The following OTUD7A variants were observed in gnomAD, a reference collection of about 807,000 sequenced individuals.
OTUD7A encodes the protein OTU domain-containing protein 7A.
In OTUD7A, 12 loss-of-function variants were observed where a neutral mutation model predicts 65.7. The ratio of observed to expected loss-of-function variants is 0.18; its 90% CI spans 0.12 to 0.30. OTUD7A has a LOEUF of 0.30. Ranked by LOEUF, OTUD7A falls within the 10% of genes least tolerant of loss-of-function variation. OTUD7A has a pLI of 1.00. For synonymous variants in OTUD7A, 641 were observed against 586.3 expected (o/e 1.09, Z -1.35); for missense variants, 1,148 against 1,304.8 (o/e 0.88, Z 1.85).
chr15:31,570,867 G>A (rs562282257), intron 3 of OTUD7A, among the ~76,000 whole-genome samples: 12 of 152,276 alleles, frequency 7.9e-5, no homozygotes, highest in South Asian at 4.1e-4. Context: ...TGGAGGCAGC[G>A]TGGGCACTCT....
chr15:31,691,043 G>T (rs2141317644), intron 1 of OTUD7A, among the ~76,000 whole-genome samples: 2 of 152,222 alleles, frequency 1.3e-5, no homozygotes, highest in Middle Eastern at 6.8e-3. Context: ...TATCTGATAA[G>T]GGATTAATAT....
chr15:31,673,459 T>C (rs1243347510), intron 1 of OTUD7A, among the ~76,000 whole-genome samples: 3 of 152,202 alleles, frequency 2.0e-5, no homozygotes, highest in Admixed American at 1.3e-4. Context: ...AGAACCTCCA[T>C]GTCACAGAGA....
At chr15:31,863,403 C>A (rs1336068802) in intron 1 of OTUD7A, among the ~76,000 whole-genome samples, 1 of 152,244 alleles carries the variant, frequency 6.6e-6, no homozygotes, top group Non-Finnish European at 1.5e-5. Context: ...CCCACCCCTG[C>A]AGCAAACTTT....
In OTUD7A at chr15:31,487,001, C is replaced by T. The variant is rs950291225; in HGVS notation, c.1371+193G>A. Reference sequence around the variant, plus strand: ...CTTCAAGCCATAGCCAGGGTGGCCCCAGCTGCATGCAGCTGGGATGGCTAG... The same window carrying T: ...CTTCAAGCCATAGCCAGGGTGGCCCTAGCTGCATGCAGCTGGGATGGCTAG... On this transcript the variant is annotated intron_variant, in intron 12 of 12. Transcript: ENST00000307050. This position sits in a 1 kb window ranked among gnomAD's most constrained non-coding sequence, Gnocchi z 6.0. 6.6e-6 allele frequency among the ~76,000 whole-genome samples: 1 copy of T among 152,158 alleles called. No homozygotes were observed. Among genetic ancestry groups the T allele is most frequent in the East Asian group, 1.9e-4 (1 of 5,164 alleles).
At chr15:31,590,375 CTA>C (rs1889685331) in intron 3 of OTUD7A, among the ~76,000 whole-genome samples, 1 of 152,020 alleles carries the variant, frequency 6.6e-6, no homozygotes, top group Admixed American at 6.5e-5. Flanking sequence ...TGATGAATGA[CTA>C]TATATGTGTG....
chr15:31,793,998 G>T (rs1895886159), intron 1 of OTUD7A, among the ~76,000 whole-genome samples: 1 of 152,172 alleles, frequency 6.6e-6, no homozygotes, highest in South Asian at 2.1e-4. Flanking sequence ...CTTATAATTT[G>T]TGCTTTGAAG....
rs1031726852 is a variant in OTUD7A, at chr15:31,479,522, T to C, written c.*3772A>G. On this transcript the variant is annotated 3_prime_UTR_variant, in exon 13 of 13. Coordinates refer to ENST00000307050, the MANE Select transcript of OTUD7A (RefSeq NM_001382637.1). ...TGGAATGGAACTTACACACATGGATTTGGAAAAGTCTGTTTTTTCTTGTAC... is the reference window on the plus strand; with the variant it reads ...TGGAATGGAACTTACACACATGGATCTGGAAAAGTCTGTTTTTTCTTGTAC... The C allele has an allele frequency of 6.6e-6, 1 of 152,238 alleles. No homozygotes were observed. The highest frequency in any genetic ancestry group is 2.4e-5 in the African/African-American group (1 of 41,466). 9.4% of individuals were successfully genotyped at this position (152,238 alleles called of 1,614,324 possible).
At chr15:31,828,228 C>T (rs1174483068) in intron 1 of OTUD7A, among the ~76,000 whole-genome samples, 1 of 152,048 alleles carries the variant, frequency 6.6e-6, no homozygotes, top group Admixed American at 6.6e-5. Flanking sequence ...TTTTTTTGAA[C>T]TCTTGAGCTG....
At chr15:31,804,131 T>C (rs941330920) in intron 1 of OTUD7A, among the ~76,000 whole-genome samples, 1 of 152,164 alleles carries the variant, frequency 6.6e-6, no homozygotes, top group African/African-American at 2.4e-5. Flanking sequence ...CACCCCTAAC[T>C]CTTCAGGATG....
chr15:31,761,468 C>G (rs775334576), intron 1 of OTUD7A, among the ~76,000 whole-genome samples: 7 of 151,990 alleles, frequency 4.6e-5, no homozygotes, highest in Non-Finnish European at 1.0e-4. Flanking sequence ...AAAATCACAA[C>G]GAAATATAAC....
At chr15:31,798,296 C>T (rs535598293) in intron 1 of OTUD7A, among the ~76,000 whole-genome samples, 96 of 152,248 alleles carry the variant, frequency 6.3e-4, no homozygotes, top group Admixed American at 4.3e-3. Flanking sequence ...GCCAAAGTTA[C>T]TGAGATAAAT....
Position 31,498,963 on chromosome 15 carries a change from T to A in OTUD7A, c.1171+2727A>T, listed in dbSNP as rs557344451. On this transcript the variant is annotated intron_variant, in intron 10 of 12. Transcript: ENST00000307050. The surrounding 1 kb of genome is among the most constrained non-coding windows in gnomAD (Gnocchi z 4.2). ...GGAGGATTCCTGAACTTGAAGATGGTCAGTGGCGGCATCAGCAGTAGCCGG... is the reference window on the plus strand; with the variant it reads ...GGAGGATTCCTGAACTTGAAGATGGACAGTGGCGGCATCAGCAGTAGCCGG... Among the ~76,000 whole-genome samples, 31 of 152,248 alleles carry A rather than the reference T, an allele frequency of 2.0e-4. No homozygotes were observed. In the South Asian group the frequency reaches 6.4e-3, roughly 32 times the overall value.
intron 10 of OTUD7A, among the ~76,000 whole-genome samples, chr15:31,496,005 G>T (rs1031059659): frequency 6.8e-6 from 1 of 147,988 alleles, no homozygotes; most frequent in African/African-American, 2.5e-5. Flanking sequence ...GGTGGAGGTT[G>T]CAATGAGCCA....
intron 5 of OTUD7A, among the ~76,000 whole-genome samples, chr15:31,543,774 G>A (rs929800225): frequency 4.0e-5 from 6 of 151,780 alleles, no homozygotes; most frequent in Admixed American, 1.3e-4. Context: ...GGAATAAAAG[G>A]AGATATAGAC....
intron 5 of OTUD7A, among the ~76,000 whole-genome samples, chr15:31,555,108 G>A (rs1242577315): frequency 6.6e-6 from 1 of 152,252 alleles, no homozygotes; most frequent in African/African-American, 2.4e-5. Context: ...CAGATACCAC[G>A]CAGGGCCCCA....
chr15:31,737,959 A>T (rs1894237676), intron 1 of OTUD7A, among the ~76,000 whole-genome samples: 1 of 152,228 alleles, frequency 6.6e-6, no homozygotes, highest in Admixed American at 6.5e-5. Context: ...GTATAGGTGT[A>T]GCTGGTAGTT....
chr15:31,491,688 C>A (rs1263735725), intron 10 of OTUD7A, among the ~76,000 whole-genome samples: 1 of 152,098 alleles, frequency 6.6e-6, no homozygotes, highest in African/African-American at 2.4e-5. Flanking sequence ...AACACCACCA[C>A]AAATATTCCT....
intron 3 of OTUD7A, among the ~76,000 whole-genome samples, chr15:31,642,643 A>G (rs982397924): frequency 1.7e-4 from 26 of 151,880 alleles, no homozygotes; most frequent in African/African-American, 6.3e-4. Flanking sequence ...ATAATTTGTG[A>G]ATTTCATTTA....
intron 1 of OTUD7A, among the ~76,000 whole-genome samples, chr15:31,688,408 A>G (rs771711871): frequency 1.3e-5 from 2 of 152,092 alleles, no homozygotes; most frequent in Admixed American, 6.5e-5. Flanking sequence ...CCATAAAACA[A>G]GTGGCTCAGA....
Sources: gnomAD v4.1 joint callset for allele counts (sites outside exome capture counted in the v4.1 genomes callset) on GRCh38, gnomAD v4.1.1 for gene constraint, Gnocchi (gnomAD v3.1) non-coding constraint, MANE v1.5 for transcripts, NCBI Gene and HGNC (gene_info 2026-07-23, HGNC 2026-07-21) for gene names.